Variants in USP16 observed in about 807,000 individuals in gnomAD.
USP16 encodes the protein ubiquitin carboxyl-terminal hydrolase 16.
USP16 carries 77 observed loss-of-function variants against 95.9 expected under a neutral mutation model. The observed-to-expected ratio is 0.80, with a 90% CI of 0.67 to 0.97. The LOEUF (loss-of-function observed/expected upper bound fraction) is 0.97, where lower values mean the gene tolerates loss of function less well. Ranked by LOEUF, USP16 falls within the 50% of genes least tolerant of loss-of-function variation. The pLI is 0.00. For missense variants in USP16, 943 were observed against 959.9 expected, an observed-to-expected ratio of 0.98 and a Z score of 0.23; for synonymous variants, 303 against 318.2, an observed-to-expected ratio of 0.95 and a Z score of 0.51.
At chr21:29,042,240 T>G in intron 11 of USP16, 136 bp downstream of exon 11, 1 of 882,630 alleles carries the variant, frequency 1.1e-6, no homozygotes, top group South Asian at 1.9e-5. Context: ...ATGTGCATGG[T>G]TCTTTGTGGG....
At chr21:29,043,677 G>T in intron 13 of USP16, 78 bp downstream of exon 13, 1 of 1,283,072 alleles carries the variant, frequency 7.8e-7, no homozygotes, top group East Asian at 2.7e-5. Flanking sequence ...AATGACATTG[G>T]TTAGACATGT....
At chr21:29,047,623 T>A (rs1465955632) in intron 14 of USP16, among the ~76,000 whole-genome samples, 1 of 152,142 alleles carries the variant, frequency 6.6e-6, no homozygotes, top group Non-Finnish European at 1.5e-5. Context: ...TTTCCACCCT[T>A]ACCTCCTTTG....
At position 29,046,736 on chromosome 21, in the gene USP16, C is replaced by T. The variant is rs1408319141; in HGVS notation, c.1426C>T (p.Pro476Ser). 6.2e-7 allele frequency: 1 copy of T among 1,613,880 alleles called. No individual in the cohort carries two copies. The highest frequency in any genetic ancestry group is 8.5e-7 in the Non-Finnish European group (1 of 1,179,964). Residue 476 changes from proline (P) to serine (S), a missense_variant, in exon 14 of 18, where the codon CCT becomes TCT. By Grantham distance (74) the Pro-to-Ser change is moderately conservative. Coordinates refer to ENST00000399976, the MANE Select transcript of USP16 (RefSeq NM_006447.3). The part of the protein sequence containing the change: ...HLNDICTIDH[P>S]EDSEYEAEMS... ...AAATGATATTTGTACTATTGACCAT[C>T]CTGAAGACAGTGAATATGAAGCTGA...
At chr21:29,024,814 G>T (rs759303643) in intron 1 of USP16, 37 bp downstream of exon 1, 2 of 1,252,944 alleles carry the variant, frequency 1.6e-6, no homozygotes, top group South Asian at 2.6e-5. Context: ...GTCGTCGCTC[G>T]CCTGGCTTTC....
chr21:29,052,301 T>C (rs989011877), intron 16 of USP16: 3 of 152,230 alleles, frequency 2.0e-5, no homozygotes, highest in Non-Finnish European at 4.4e-5. Flanking sequence ...GGACAAGATA[T>C]ACTGGGCAAG....
At chr21:29,027,168 A>G (rs1037356441) in intron 1 of USP16, among the ~76,000 whole-genome samples, 3 of 152,192 alleles carry the variant, frequency 2.0e-5, no homozygotes, top group Admixed American at 6.5e-5. Context: ...CATGTTTTCT[A>G]AGTTTGAATT....
chr21:29,049,072 T>C (rs900430508), intron 15 of USP16, among the ~76,000 whole-genome samples: 15 of 152,230 alleles, frequency 9.9e-5, no homozygotes, highest in African/African-American at 3.6e-4. Context: ...AGAACTCATT[T>C]ATGTCCCTCT....
At chr21:29,047,883 T>G (rs1051474810) in intron 14 of USP16, among the ~76,000 whole-genome samples, 1 of 152,080 alleles carries the variant, frequency 6.6e-6, no homozygotes, top group Non-Finnish European at 1.5e-5. Context: ...ATTTTATTTA[T>G]TTACATATAG....
chr21:29,027,119 A>G (rs2085004093), intron 1 of USP16, among the ~76,000 whole-genome samples: 1 of 152,192 alleles, frequency 6.6e-6, no homozygotes, highest in Non-Finnish European at 1.5e-5. Flanking sequence ...CTATAATTCT[A>G]TATAATTAGG....
intron 9 of USP16, among the ~76,000 whole-genome samples, chr21:29,039,887 C>G (rs891736905): frequency 6.6e-6 from 1 of 152,150 alleles, no homozygotes; most frequent in Non-Finnish European, 1.5e-5. Flanking sequence ...AACCCAGGTG[C>G]AGCACACCCT....
chr21:29,048,012 CT>C (rs1287128533), intron 14 of USP16, among the ~76,000 whole-genome samples: 2 of 141,486 alleles, frequency 1.4e-5, no homozygotes, highest in East Asian at 2.0e-4. Context: ...AATAGGCTTA[CT>C]TTTTGTCTGT....
intron 3 of USP16, among the ~76,000 whole-genome samples, chr21:29,033,824 G>A (rs2085111873): frequency 6.6e-6 from 1 of 152,242 alleles, no homozygotes; most frequent in Admixed American, 6.5e-5. Context: ...GAAGGAGACA[G>A]TATTTTCTCA....
intron 1 of USP16, among the ~76,000 whole-genome samples, chr21:29,026,353 G>A (rs1175632541): frequency 6.6e-6 from 1 of 151,542 alleles, no homozygotes; most frequent in Admixed American, 6.6e-5. Context: ...CTATTCGGGA[G>A]GCTGAGGCAG....
intron 5 of USP16, among the ~76,000 whole-genome samples, chr21:29,036,831 T>C (rs1415359235): frequency 6.6e-6 from 1 of 152,260 alleles, no homozygotes; most frequent in African/African-American, 2.4e-5. Context: ...TTTTAAGTTT[T>C]TATTGTCACA....
chr21:29,042,052 G>T lies in USP16; in HGVS notation c.1070G>T (p.Arg357Leu). The change falls in exon 11 of 18, where the codon CGC becomes CTC. Residue 357 changes from arginine (R) to leucine (L), a missense_variant. Physicochemically the swap from Arg to Leu is moderately radical, Grantham distance 102 (BLOSUM62 -2). Transcript: ENST00000399976. Reference protein sequence around the residue: ...KKKSMPSFVDRIFGGELTSMI... With the variant: ...KKKSMPSFVDLIFGGELTSMI... ...AAATCAATGCCAAGTTTTGTTGACCGCATCTTTGGTGGTGAACTAACTAGT... is the reference window on the plus strand; with the variant it reads ...AAATCAATGCCAAGTTTTGTTGACCTCATCTTTGGTGGTGAACTAACTAGT... The T allele has an allele frequency of 6.2e-7, 1 of 1,613,032 alleles. No homozygotes were observed. Among genetic ancestry groups the T allele is most frequent in the African/African-American group, 1.3e-5 (1 of 74,948 alleles).
At chr21:29,043,324 C>T (rs1019020520) in intron 12 of USP16, 99 bp from the exon 13 acceptor site, 29 of 887,986 alleles carry the variant, frequency 3.3e-5, no homozygotes, top group Non-Finnish European at 4.3e-5. Flanking sequence ...AAAGCTAATA[C>T]ATAATAGAAG....
At chr21:29,040,724 G>T in intron 10 of USP16, 37 bp downstream of exon 10, 2 of 1,143,104 alleles carry the variant, frequency 1.7e-6, no homozygotes, top group South Asian at 2.8e-5. Context: ...CACTATAGTT[G>T]AATTCCTCTG....
intron 1 of USP16, among the ~76,000 whole-genome samples, chr21:29,025,514 T>C (rs2084973631): frequency 6.6e-6 from 1 of 152,212 alleles, no homozygotes; most frequent in African/African-American, 2.4e-5. Context: ...TTTATAGTTG[T>C]CAGAACTTTA....
Position 29,038,371 on chromosome 21 carries a change from A to C in USP16, c.673A>C (p.Lys225Gln). Reference protein sequence around the residue: ...SQTPVLRELLKEVKMSGTIVK... With the variant: ...SQTPVLRELLQEVKMSGTIVK... ...AACACCAGTGCTTAGAGAACTACTA[A>C]AAGAAGTGAAAATGTCTGGAACAAT... The change falls in exon 7 of 18, where the codon AAA (lysine) becomes CAA (glutamine). Residue 225 changes from lysine to glutamine, a missense_variant. Transcript: ENST00000399976. The C allele has an allele frequency of 6.2e-7, 1 of 1,613,176 alleles. No homozygotes were observed. Among genetic ancestry groups the C allele is most frequent in the African/African-American group, 1.3e-5 (1 of 75,034 alleles).
Sources: allele counts gnomAD v4.1 joint callset (sites outside exome capture counted in the v4.1 genomes callset), GRCh38; gene constraint gnomAD v4.1.1; transcripts MANE v1.5; gene names NCBI Gene and HGNC (gene_info 2026-07-23, HGNC 2026-07-21).